The following MREG variants were observed in gnomAD, a reference collection of about 807,000 sequenced individuals.
The protein encoded by MREG is dilute suppressor protein homolog.
A neutral mutation model predicts 28.5 loss-of-function variants in MREG; 31 were observed. The ratio of observed to expected loss-of-function variants is 1.09; its 90% CI spans 0.82 to 1.47. The LOEUF (loss-of-function observed/expected upper bound fraction) is 1.47. Ranked by LOEUF, MREG falls within the 40% of genes most tolerant of loss-of-function variation. The probability of loss-of-function intolerance (pLI) is 0.00; values close to 1 mark genes in which losing one functional copy is unlikely to be tolerated. For synonymous variants in MREG, 106 were observed against 95.2 expected, an observed-to-expected ratio of 1.11 and a Z score of -0.66; for missense variants, 256 against 257.4, an observed-to-expected ratio of 0.99 and a Z score of 0.04.
At chr2:216,005,336 A>T (rs1382472061) in intron 1 of MREG, among the ~76,000 whole-genome samples, 4 of 151,752 alleles carry the variant, frequency 2.6e-5, no homozygotes. Flanking sequence ...GTGCACACAT[A>T]GGTGGGAAAG....
intron 2 of MREG, among the ~76,000 whole-genome samples, chr2:215,990,920 A>G (rs1693704845): frequency 6.6e-6 from 1 of 152,192 alleles, no homozygotes; most frequent in South Asian, 2.1e-4. Flanking sequence ...ATACAAAGAG[A>G]CTTAGATTCC....
intron 2 of MREG, among the ~76,000 whole-genome samples, chr2:215,947,324 T>C (rs530196346): frequency 1.3e-5 from 2 of 152,346 alleles, no homozygotes; most frequent in Non-Finnish European, 2.9e-5. Flanking sequence ...CCAGGTGATA[T>C]GGCACCTTGC....
chr2:216,008,432 G>A (rs1378992427), intron 1 of MREG, among the ~76,000 whole-genome samples: 3 of 152,202 alleles, frequency 2.0e-5, no homozygotes, highest in Non-Finnish European at 1.5e-5. Context: ...AGAAGAAATG[G>A]AAAGAATGAA....
intron 1 of MREG, among the ~76,000 whole-genome samples, chr2:216,021,803 C>T (rs1475345105): frequency 3.9e-5 from 6 of 152,220 alleles, no homozygotes; most frequent in Non-Finnish European, 7.3e-5. Flanking sequence ...GTTAAGTATT[C>T]ATACTTTAGT....
chr2:215,953,528 A>G (rs1692540328), intron 2 of MREG, among the ~76,000 whole-genome samples: 1 of 152,256 alleles, frequency 6.6e-6, no homozygotes, highest in Admixed American at 6.5e-5. Context: ...TTCTGGAGCA[A>G]TCAGGAATGG....
At chr2:216,015,660 A>T (rs1193848798), upstream of MREG, among the ~76,000 whole-genome samples, 1 of 152,180 alleles carries the variant, frequency 6.6e-6, no homozygotes, top group Non-Finnish European at 1.5e-5. Flanking sequence ...GGCCATCCTA[A>T]AGGTCCAGGT....
chr2:216,021,229 C>T (rs922538227), intron 1 of MREG, among the ~76,000 whole-genome samples: 21 of 152,220 alleles, frequency 1.4e-4, no homozygotes, highest in African/African-American at 5.1e-4. Context: ...CTCATTGCAA[C>T]CTCCACCTCC....
chr2:216,017,753 A>G (rs1165188921), upstream of MREG, among the ~76,000 whole-genome samples: 1 of 152,136 alleles, frequency 6.6e-6, no homozygotes, highest in Non-Finnish European at 1.5e-5. Context: ...TGGTTTGAAA[A>G]CAACTAGTAG....
At chr2:215,939,470 T>C (rs1692170655), downstream of MREG, 1 of 152,196 alleles carries the variant, frequency 6.6e-6, no homozygotes, top group Non-Finnish European at 1.5e-5. Flanking sequence ...CTTTCTGTTC[T>C]CAGCCACAAA....
chr2:216,012,584 T>C (rs936188341), intron 1 of MREG, among the ~76,000 whole-genome samples: 4 of 152,208 alleles, frequency 2.6e-5, no homozygotes, highest in Non-Finnish European at 4.4e-5. Flanking sequence ...AGAAAATGAT[T>C]GCTTAAAATC....
chr2:216,006,024 G>T (rs747854621), intron 1 of MREG, among the ~76,000 whole-genome samples: 10 of 152,138 alleles, frequency 6.6e-5, no homozygotes, highest in Non-Finnish European at 1.2e-4. Context: ...AATGACTTCA[G>T]GTGCTAACAG....
At chr2:216,022,480 T>G (rs147300070) in intron 1 of MREG, among the ~76,000 whole-genome samples, 1 of 152,196 alleles carries the variant, frequency 6.6e-6, no homozygotes, top group African/African-American at 2.4e-5. Flanking sequence ...TAGTCTCCCA[T>G]AGTTAATTAT....
intron 1 of MREG, among the ~76,000 whole-genome samples, chr2:216,022,586 A>G (rs1035945816): frequency 6.6e-6 from 1 of 152,212 alleles, no homozygotes; most frequent in Admixed American, 6.5e-5. Flanking sequence ...TTCTCCTGCC[A>G]TAACAAACAC....
intron 2 of MREG, among the ~76,000 whole-genome samples, chr2:215,987,782 A>G (rs1306906121): frequency 6.6e-6 from 1 of 152,162 alleles, no homozygotes; most frequent in Non-Finnish European, 1.5e-5. Context: ...GCATGCCTGT[A>G]ATCCTAGTTA....
intron 1 of MREG, among the ~76,000 whole-genome samples, chr2:216,022,110 G>C (rs1414826696): frequency 6.6e-6 from 1 of 152,102 alleles, no homozygotes; most frequent in Non-Finnish European, 1.5e-5. Context: ...AGCTGGGTGT[G>C]GTGGCTGGCT....
intron 2 of MREG, among the ~76,000 whole-genome samples, chr2:215,988,193 C>A (rs951756443): frequency 6.6e-6 from 1 of 152,112 alleles, no homozygotes; most frequent in East Asian, 1.9e-4. Context: ...ACCTGAGGTA[C>A]CTGGCTTATC....
upstream of MREG, among the ~76,000 whole-genome samples, chr2:216,015,214 G>C (rs937994708): frequency 2.6e-5 from 4 of 151,832 alleles, no homozygotes. Context: ...TGTGTGTTGG[G>C]TGGAGGGGAG....
chr2:215,944,821 G>T lies in MREG; in HGVS notation c.*42C>A. On this transcript the variant is annotated 3_prime_UTR_variant, in exon 5 of 5. Transcript: ENST00000263268. ...TTGTCCAACTTTGGTTGACTGCTGA[G>T]TCCTCATGGAAGAATTCCCATTCTG... 1 of 1,543,380 alleles carries T rather than the reference G, an allele frequency of 6.5e-7. No homozygotes were observed. Among genetic ancestry groups the T allele is most frequent in the Non-Finnish European group, 8.8e-7 (1 of 1,130,368 alleles).
chr2:215,941,900 G>T (rs1354227588), downstream of MREG, among the ~76,000 whole-genome samples: 1 of 152,068 alleles, frequency 6.6e-6, no homozygotes, highest in Non-Finnish European at 1.5e-5. Flanking sequence ...ACTGCCATTG[G>T]GCCTCTGTTC....
Sources: gnomAD v4.1 joint callset for allele counts (sites outside exome capture counted in the v4.1 genomes callset) on GRCh38, gnomAD v4.1.1 for gene constraint, MANE v1.5 for transcripts, NCBI Gene and HGNC (gene_info 2026-07-23, HGNC 2026-07-21) for gene names.